LRMDA: variants seen among roughly 807,000 people sequenced by gnomAD.
LRMDA encodes the protein leucine rich melanocyte differentiation associated, also known as leucine-rich melanocyte differentiation-associated protein.
LRMDA carries 18 observed loss-of-function variants against 29.8 expected under a neutral mutation model. The ratio of observed to expected loss-of-function variants is 0.60; its 90% CI spans 0.42 to 0.90. The LOEUF (loss-of-function observed/expected upper bound fraction) is 0.90. Among genes scored for constraint, LRMDA ranks in the 40% least tolerant of loss-of-function variants. The pLI, the probability that LRMDA is intolerant of heterozygous loss-of-function variation, is 0.00. For synonymous variants in LRMDA, 125 were observed against 109.4 expected, an observed-to-expected ratio of 1.14 and a Z score of -0.89; for missense variants, 273 against 273.9, an observed-to-expected ratio of 1.00 and a Z score of 0.02.
intron 5 of LRMDA, among the ~76,000 whole-genome samples, chr10:76,146,824 C>T (rs543380800): frequency 3.5e-4 from 54 of 152,232 alleles, no homozygotes; most frequent in African/African-American, 1.0e-3. Flanking sequence ...TGGCTGGTAC[C>T]GGTCGTTCCT....
intron 5 of LRMDA, among the ~76,000 whole-genome samples, chr10:76,101,257 T>G (rs945179776): frequency 1.3e-5 from 2 of 152,234 alleles, no homozygotes; most frequent in African/African-American, 4.8e-5. Flanking sequence ...TGTACCTTTA[T>G]GAACTGATTT....
intron 2 of LRMDA, among the ~76,000 whole-genome samples, chr10:75,937,991 A>G (rs1178733169): frequency 1.3e-5 from 2 of 152,240 alleles, no homozygotes; most frequent in African/African-American, 2.4e-5. Context: ...GACAAGTCGC[A>G]TAAAACTAAT....
At chr10:76,275,770 G>A (rs2132326868) in intron 5 of LRMDA, among the ~76,000 whole-genome samples, 1 of 152,206 alleles carries the variant, frequency 6.6e-6, no homozygotes, top group Non-Finnish European at 1.5e-5. Context: ...GATTTGGTGA[G>A]TTTTTGCACA....
chr10:75,578,215 C>CA (rs1183989010), intron 2 of LRMDA, among the ~76,000 whole-genome samples: 841 of 14,186 alleles, frequency 0.059, 94 homozygotes, highest in South Asian at 0.12. Context: ...AAATGGAAAG[C>CA]AAAAAAAAAA....
At chr10:75,893,263 G>A (rs1464918346) in intron 2 of LRMDA, among the ~76,000 whole-genome samples, 2 of 152,072 alleles carry the variant, frequency 1.3e-5, no homozygotes, top group Admixed American at 1.3e-4. Context: ...GCATATAGAT[G>A]ACACCAAAAT....
At chr10:75,719,255 A>G (rs1292710390) in intron 2 of LRMDA, among the ~76,000 whole-genome samples, 1 of 152,232 alleles carries the variant, frequency 6.6e-6, no homozygotes, top group Non-Finnish European at 1.5e-5. Flanking sequence ...CATAGCAGTA[A>G]CAATGATTGG....
chr10:76,534,968 TTTTG>T (rs1793247307), intron 6 of LRMDA, among the ~76,000 whole-genome samples: 2 of 152,204 alleles, frequency 1.3e-5, no homozygotes, highest in Admixed American at 1.3e-4. Flanking sequence ...TGTTTCTAAA[TTTTG>T]TCTGCTTGCT....
In LRMDA at chr10:76,270,003, C is replaced by G. The variant is rs75477273; in HGVS notation, c.517-54398C>G. 3.3e-3 allele frequency among the ~76,000 whole-genome samples: 496 copies of G among 152,276 alleles called. 25 individuals carry two copies. The East Asian group carries it at 0.076, about 23-fold the overall frequency. On this transcript the variant is annotated intron_variant, in intron 5 of 6. Transcript: ENST00000611255. ...CATTCACTCAAGCCACTCACCTTTT[C>G]TCATTCACTCAAGCCACTCCCCTTT...
intron 6 of LRMDA, among the ~76,000 whole-genome samples, chr10:76,380,642 C>T (rs1370701102): frequency 6.9e-6 from 1 of 144,970 alleles, no homozygotes; most frequent in Non-Finnish European, 1.5e-5. Context: ...GCACTCCAGC[C>T]TGGGCGACAG....
At chr10:75,508,253 G>A (rs1845189654) in intron 2 of LRMDA, among the ~76,000 whole-genome samples, 1 of 110,284 alleles carries the variant, frequency 9.1e-6, no homozygotes, top group Admixed American at 1.0e-4. Context: ...GGCAAATTAT[G>A]GTGGTGTTTT....
At chr10:76,198,436 G>A (rs953889448) in intron 5 of LRMDA, among the ~76,000 whole-genome samples, 33 of 152,216 alleles carry the variant, frequency 2.2e-4, no homozygotes, top group Admixed American at 2.1e-3. Context: ...TTGGAGCAGA[G>A]TGCAAGCCTC....
chr10:76,005,927 T>TAAATAAA (rs1847644523), intron 2 of LRMDA, among the ~76,000 whole-genome samples: 1 of 148,412 alleles, frequency 6.7e-6, no homozygotes, highest in African/African-American at 2.5e-5. Context: ...AGACTCCATC[T>TAAATAAA]TAAATAAATA....
At chr10:76,169,789 C>T (rs1011133915) in intron 5 of LRMDA, among the ~76,000 whole-genome samples, 3 of 152,182 alleles carry the variant, frequency 2.0e-5, no homozygotes, top group Admixed American at 1.3e-4. Flanking sequence ...AAAAAGATTA[C>T]AGCCCAGCTT....
intron 2 of LRMDA, among the ~76,000 whole-genome samples, chr10:75,667,070 T>A (rs1442654020): frequency 6.6e-6 from 1 of 152,170 alleles, no homozygotes; most frequent in Non-Finnish European, 1.5e-5. Flanking sequence ...AATCTAAAGG[T>A]GAATGTTTTC....
chr10:76,286,935 C>A (rs1840278642), intron 5 of LRMDA, among the ~76,000 whole-genome samples: 1 of 152,140 alleles, frequency 6.6e-6, no homozygotes, highest in Admixed American at 6.6e-5. Context: ...GGCTGGCATC[C>A]TCTTCTCAAA....
At chr10:76,025,644 T>A (rs961585681) in intron 2 of LRMDA, among the ~76,000 whole-genome samples, 2 of 152,142 alleles carry the variant, frequency 1.3e-5, no homozygotes, top group Non-Finnish European at 2.9e-5. Flanking sequence ...CAAATCAGCT[T>A]TCTGGACTGT....
chr10:75,466,625 C>T lies in LRMDA; in HGVS notation c.131+28131C>T, dbSNP rs948119051. On this transcript the variant is annotated intron_variant, in intron 2 of 6. Transcript: ENST00000611255. ...GATTGATAAAAAGTCTGGGCTCATT[C>T]CCTCCTGAAGGTGCAGGGCTTGGAG... Among the ~76,000 whole-genome samples the T allele has an allele frequency of 1.1e-4, 17 of 152,272 alleles. 1 individual carries two copies. Among genetic ancestry groups the T allele is most frequent in the Admixed American group, 8.5e-4 (13 of 15,308 alleles).
At chr10:75,829,726 G>A (rs1844306693) in intron 2 of LRMDA, among the ~76,000 whole-genome samples, 1 of 151,926 alleles carries the variant, frequency 6.6e-6, no homozygotes, top group Non-Finnish European at 1.5e-5. Context: ...ATTCTTTAGG[G>A]TAAGGGATAC....
At chr10:76,529,652 A>G (rs1843213492) in intron 6 of LRMDA, among the ~76,000 whole-genome samples, 1 of 152,160 alleles carries the variant, frequency 6.6e-6, no homozygotes, top group African/African-American at 2.4e-5. Flanking sequence ...ACTCTTAATT[A>G]TCCAGCAATG....
Sources: gnomAD v4.1 joint callset for allele counts (sites outside exome capture counted in the v4.1 genomes callset) on GRCh38, gnomAD v4.1.1 for gene constraint, MANE v1.5 for transcripts, NCBI Gene and HGNC (gene_info 2026-07-23, HGNC 2026-07-21) for gene names.